STAG1: variants seen among roughly 807,000 people sequenced by gnomAD.
STAG1 encodes cohesin subunit SA-1.
In STAG1, 26 loss-of-function variants were observed where a neutral mutation model predicts 170.9. That is an observed-to-expected ratio of 0.15 (90% CI 0.11 to 0.21). The LOEUF (loss-of-function observed/expected upper bound fraction) is 0.21, where lower values mean the gene tolerates loss of function less well. Among genes scored for constraint, STAG1 ranks in the 10% least tolerant of loss-of-function variants. The pLI, the probability that STAG1 is intolerant of heterozygous loss-of-function variation, is 1.00. For missense variants in STAG1, 964 were observed against 1,509.5 expected (o/e 0.64, Z 5.99); for synonymous variants, 514 against 497.7 (o/e 1.03, Z -0.44).
chr3:136,614,864 C>T (rs1216299087), intron 3 of STAG1, among the ~76,000 whole-genome samples: 1 of 152,138 alleles, frequency 6.6e-6, no homozygotes, highest in African/African-American at 2.4e-5. Flanking sequence ...AAATAATCCA[C>T]ACCGTATCAC....
At chr3:136,401,547 A>G (rs879916272) in intron 21 of STAG1, among the ~76,000 whole-genome samples, 14 of 152,106 alleles carry the variant, frequency 9.2e-5, no homozygotes, top group Non-Finnish European at 1.9e-4. Flanking sequence ...AGATTGCTTA[A>G]GTTTGGGAAT....
chr3:136,717,403 C>T (rs1242850738), intron 1 of STAG1, among the ~76,000 whole-genome samples: 2 of 152,198 alleles, frequency 1.3e-5, no homozygotes, highest in African/African-American at 4.8e-5. Context: ...GTGGCTCATG[C>T]TTGTAATCCC....
intron 21 of STAG1, among the ~76,000 whole-genome samples, chr3:136,404,359 A>G (rs1328474363): frequency 6.6e-6 from 1 of 152,090 alleles, no homozygotes; most frequent in African/African-American, 2.4e-5. Flanking sequence ...AGGAAACGCT[A>G]ATGTGTATTG....
Position 136,608,091 on chromosome 3 carries a change from T to C in STAG1, c.133-3618A>G, listed in dbSNP as rs140617761. Among the ~76,000 whole-genome samples the C allele has an allele frequency of 6.5e-3, 983 of 152,112 alleles. 12 individuals are homozygous for C. Among genetic ancestry groups the C allele is most frequent in the African/African-American group, 0.023 (934 of 41,484 alleles). ...GGCCAACATGGCAAAACCCCATCGC[T>C]ACTAAAAATATAAAAATTATCCAGG... is the stretch of plus-strand genomic sequence containing the variant. On this transcript the variant is annotated intron_variant, in intron 3 of 33. Coordinates refer to ENST00000383202, the MANE Select transcript of STAG1 (RefSeq NM_005862.3).
rs186570648 is a variant in STAG1, at chr3:136,505,871, A to C, written c.677-3092T>G. Among the ~76,000 whole-genome samples the C allele has an allele frequency of 4.1e-4, 62 of 152,342 alleles. 1 individual carries two copies. The East Asian group carries it at 0.011, about 28-fold the overall frequency. On this transcript the variant is annotated intron_variant, in intron 7 of 33. Coordinates refer to ENST00000383202, the MANE Select transcript of STAG1 (RefSeq NM_005862.3). ...AATGGTCACATGATTCCACAGCAGA[A>C]CAGCTTTCCAGGGACAGTTATAAGG...
Position 136,477,290 on chromosome 3 carries a change from C to A in STAG1, c.1025G>T (p.Arg342Met), listed in dbSNP as rs143925042. 4 of 1,608,886 alleles carry A rather than the reference C, an allele frequency of 2.5e-6. No homozygotes were observed. The highest frequency in any genetic ancestry group is 3.4e-6 in the Non-Finnish European group (4 of 1,177,842). The change falls in exon 10 of 34, where the codon AGG becomes ATG. Residue 342 changes from arginine (R) to methionine (M), a missense_variant and splice_region_variant. By Grantham distance (91) the Arg-to-Met change is moderately conservative. This residue lies in a region of STAG1 where 57 missense variants were observed against 157.6 expected (regional missense o/e 0.36). Coordinates refer to ENST00000383202, the MANE Select transcript of STAG1 (RefSeq NM_005862.3). ...AAAGCTTAGAACAGAGTAACTTACCCTGTCATGAAGAGTCCAGCCAACATA... is the reference window on the plus strand; with the variant it reads ...AAAGCTTAGAACAGAGTAACTTACCATGTCATGAAGAGTCCAGCCAACATA... ...LKYVGWTLHD[R>M]QGEVRLKCLK...
chr3:136,429,859 T>C (rs1576457830), intron 16 of STAG1, among the ~76,000 whole-genome samples: 1 of 152,276 alleles, frequency 6.6e-6, no homozygotes, highest in East Asian at 1.9e-4. Context: ...AAATAGTAAA[T>C]ATATTTTCTC....
chr3:136,360,960 C>A (rs1576388986), intron 26 of STAG1, among the ~76,000 whole-genome samples: 1 of 152,090 alleles, frequency 6.6e-6, no homozygotes, highest in South Asian at 2.1e-4. Flanking sequence ...TTTATAAATT[C>A]TTAAACTTTA....
At chr3:136,440,584 G>A (rs1489569571) in intron 15 of STAG1, among the ~76,000 whole-genome samples, 3 of 151,984 alleles carry the variant, frequency 2.0e-5, no homozygotes, top group Non-Finnish European at 2.9e-5. Context: ...GAAAATGAAT[G>A]GAACCTACCA....
intron 1 of STAG1, among the ~76,000 whole-genome samples, chr3:136,677,023 C>T (rs534346310): frequency 6.6e-6 from 1 of 152,104 alleles, no homozygotes; most frequent in African/African-American, 2.4e-5. Context: ...GCTGTCATCT[C>T]TTATGATAAC....
At chr3:136,740,746 C>G (rs1467313470) in intron 1 of STAG1, among the ~76,000 whole-genome samples, 1 of 152,130 alleles carries the variant, frequency 6.6e-6, no homozygotes, top group Non-Finnish European at 1.5e-5. Context: ...TCCAAAAGGG[C>G]TAGGATTACA....
chr3:136,470,245 A>G (rs554117649), intron 12 of STAG1, among the ~76,000 whole-genome samples: 28 of 152,250 alleles, frequency 1.8e-4, no homozygotes, highest in Non-Finnish European at 3.7e-4. Context: ...ATCTGACAAA[A>G]GGCTAATATC....
intron 1 of STAG1, among the ~76,000 whole-genome samples, chr3:136,720,369 T>C (rs1286574630): frequency 6.6e-6 from 1 of 152,126 alleles, no homozygotes; most frequent in Non-Finnish European, 1.5e-5. Flanking sequence ...GTGAGGAGTA[T>C]TCAAACAAAT....
At chr3:136,507,695 T>C (rs1297645665) in intron 7 of STAG1, among the ~76,000 whole-genome samples, 2 of 152,194 alleles carry the variant, frequency 1.3e-5, no homozygotes, top group African/African-American at 4.8e-5. Flanking sequence ...CATGTGACTA[T>C]ATTATTTTCC....
At chr3:136,524,670 T>G (rs1305932595) in intron 6 of STAG1, among the ~76,000 whole-genome samples, 1 of 152,204 alleles carries the variant, frequency 6.6e-6, no homozygotes, top group Admixed American at 6.5e-5. Flanking sequence ...CCCTGTCTTG[T>G]GCCAGTTTTC....
At chr3:136,546,861 C>T (rs1195732107) in intron 5 of STAG1, among the ~76,000 whole-genome samples, 1 of 152,176 alleles carries the variant, frequency 6.6e-6, no homozygotes, top group East Asian at 1.9e-4. Flanking sequence ...TTAGCAGTTT[C>T]TTATCAGACT....
At chr3:136,732,472 T>C (rs1319158677) in intron 1 of STAG1, among the ~76,000 whole-genome samples, 1 of 152,212 alleles carries the variant, frequency 6.6e-6, no homozygotes, top group Non-Finnish European at 1.5e-5. Context: ...TTACAATGTC[T>C]TTCCAGGATG....
intron 4 of STAG1, among the ~76,000 whole-genome samples, chr3:136,595,119 C>T (rs1479141906): frequency 2.0e-5 from 3 of 152,064 alleles, no homozygotes; most frequent in African/African-American, 7.2e-5. Flanking sequence ...ATGAAAATGC[C>T]AATGGATTAC....
At chr3:136,735,832 T>C (rs1934302784) in intron 1 of STAG1, among the ~76,000 whole-genome samples, 1 of 152,188 alleles carries the variant, frequency 6.6e-6, no homozygotes, top group Non-Finnish European at 1.5e-5. Context: ...TAAAGAATAT[T>C]ACCACTAACA....
Sources: gnomAD v4.1 joint callset for allele counts (sites outside exome capture counted in the v4.1 genomes callset) on GRCh38, gnomAD v4.1.1 for gene constraint, gnomAD v4.1.1 regional missense constraint, MANE v1.5 for transcripts, NCBI Gene and HGNC (gene_info 2026-07-23, HGNC 2026-07-21) for gene names.